Variants in BRD1 observed in about 807,000 individuals in gnomAD.
BRD1 encodes bromodomain containing 1, also known as bromodomain-containing protein 1.
BRD1 carries 24 observed loss-of-function variants against 107.7 expected under a neutral mutation model. The observed-to-expected ratio is 0.22, with a 90% CI of 0.16 to 0.31. The LOEUF is 0.31. BRD1 is among the 10% of genes least tolerant of loss of function. The probability of loss-of-function intolerance (pLI) is 1.00; values close to 1 mark genes in which losing one functional copy is unlikely to be tolerated. For synonymous variants in BRD1, 744 were observed against 686.1 expected (o/e 1.08, Z -1.32); for missense variants, 1,279 against 1,638.6 (o/e 0.78, Z 3.79).
chr22:49,812,515 G>C (rs945200284), intron 2 of BRD1, among the ~76,000 whole-genome samples: 1 of 152,126 alleles, frequency 6.6e-6, no homozygotes, highest in African/African-American at 2.4e-5. Flanking sequence ...AGGCTGCAGT[G>C]AACTGAGATC....
At chr22:49,818,871 G>A (rs1421339142) in intron 2 of BRD1, among the ~76,000 whole-genome samples, 1 of 151,886 alleles carries the variant, frequency 6.6e-6, no homozygotes, top group Non-Finnish European at 1.5e-5. Context: ...AGGTGACAGA[G>A]CAAGACTCCG....
chr22:49,809,548 A>AATATAT (rs113075185), intron 2 of BRD1, among the ~76,000 whole-genome samples: 4 of 147,794 alleles, frequency 2.7e-5, no homozygotes, highest in East Asian at 1.9e-4. Context: ...CTCCAAAAAA[A>AATATAT]ATATATATAT....
At chr22:49,794,375 C>G in intron 6 of BRD1, 81 bp from the exon 7 acceptor site, 1 of 1,521,934 alleles carries the variant, frequency 6.6e-7, no homozygotes, top group Admixed American at 1.9e-5. Context: ...TCTTTCAAAT[C>G]ACCTTCGGCC....
chr22:49,796,178 C>T (rs2147124272), intron 6 of BRD1, among the ~76,000 whole-genome samples: 1 of 151,918 alleles, frequency 6.6e-6, no homozygotes, highest in East Asian at 1.9e-4. Context: ...GAGAGCACCG[C>T]CTCCCGGATT....
At position 49,827,838 on chromosome 22, in the gene BRD1, G is replaced by C. The variant is rs865807992; in HGVS notation, c.-356C>G. The stretch of plus-strand genomic sequence containing the variant: ...GGGGCTGGCTCGGACTCCAGGGCCG[G>C]GTCGCTCGCTCGCTCCCCAGCGAAG... On this transcript the variant is annotated 5_prime_UTR_variant, in exon 1 of 13. Coordinates refer to ENST00000404760, the MANE Select transcript of BRD1 (RefSeq NM_001304808.3). Among the ~76,000 whole-genome samples, 6 of 145,696 alleles carry C rather than the reference G, an allele frequency of 4.1e-5. No individual in the cohort carries two copies. Among genetic ancestry groups the C allele is most frequent in the South Asian group, 2.1e-4 (1 of 4,798 alleles).
At chr22:49,782,266 C>T (rs543830938) in intron 8 of BRD1, among the ~76,000 whole-genome samples, 3 of 150,580 alleles carry the variant, frequency 2.0e-5, no homozygotes, top group African/African-American at 7.3e-5. Flanking sequence ...GAGACAGAAC[C>T]AAGGCCCAGG....
chr22:49,784,293 C>G (rs1413706902), intron 8 of BRD1, among the ~76,000 whole-genome samples: 1 of 150,052 alleles, frequency 6.7e-6, no homozygotes, highest in South Asian at 2.1e-4. Flanking sequence ...GTCTCCGCAA[C>G]GGCGGCGAGT....
chr22:49,798,029 T>A lies in BRD1; in HGVS notation c.1874A>T (p.His625Leu). Residue 625 changes from histidine (H) to leucine (L), a missense_variant, in exon 6 of 13, where the codon CAT (histidine) becomes CTT (leucine). His to Leu is a moderately conservative substitution (Grantham distance 99). Transcript: ENST00000404760. ...RLEAQGYKNL[H>L]EFEEDFDLII... ...GAGATCAAAATCCTCCTCAAACTCA[T>A]GGAGGTTTTTATACCCTTGAGCTTC... is the stretch of plus-strand genomic sequence containing the variant. 6.2e-7 allele frequency: 1 copy of A among 1,614,184 alleles called. No homozygotes were observed. Among genetic ancestry groups the A allele is most frequent in the South Asian group, 1.1e-5 (1 of 91,088 alleles).
chr22:49,801,377 C>T (rs1179122737), intron 3 of BRD1, among the ~76,000 whole-genome samples: 1 of 152,174 alleles, frequency 6.6e-6, no homozygotes, highest in African/African-American at 2.4e-5. Context: ...CAAGAGACCC[C>T]GTCCAGTTCA....
intron 7 of BRD1, 81 bp downstream of exon 7, chr22:49,793,953 G>A (rs1038189240): frequency 1.2e-5 from 19 of 1,522,682 alleles, no homozygotes; most frequent in Middle Eastern, 2.3e-4. Context: ...GCTGCTGCCC[G>A]TGTCTGGGTC....
chr22:49,824,097 T>C lies in BRD1; in HGVS notation c.221A>G (p.Asn74Ser). 1.2e-6 allele frequency: 2 copies of C among 1,614,036 alleles called. No homozygotes were observed. Among genetic ancestry groups the C allele is most frequent in the Non-Finnish European group, 1.7e-6 (2 of 1,180,032 alleles). Residue 74 changes from asparagine to serine, a missense_variant, in exon 2 of 13, where the codon AAC becomes AGC. Transcript: ENST00000404760. This position sits in a 1 kb window ranked among gnomAD's most constrained non-coding sequence, Gnocchi z 5.9. Reference protein sequence around the residue: ...DLTAQEMSECNSNKENSERPP... With the variant: ...DLTAQEMSECSSNKENSERPP... The stretch of plus-strand genomic sequence containing the variant: ...CCGCTCGCTGTTTTCCTTGTTGCTG[T>C]TGCACTCACTCATCTCTTGAGCAGT...
At chr22:49,799,287 G>A (rs894767685) in intron 3 of BRD1, among the ~76,000 whole-genome samples, 168 bp from the exon 4 acceptor site, 6 of 151,894 alleles carry the variant, frequency 4.0e-5, no homozygotes, top group Admixed American at 2.0e-4. Context: ...GGACAGCACC[G>A]GGACAGAGGG....
intron 7 of BRD1, among the ~76,000 whole-genome samples, chr22:49,790,208 G>A (rs539295257): frequency 9.8e-5 from 15 of 152,300 alleles, no homozygotes; most frequent in Non-Finnish European, 1.6e-4. Flanking sequence ...CCCCCGGACC[G>A]TTCAGTGCCT....
chr22:49,808,442 T>C lies in BRD1; in HGVS notation c.1368-4082A>G, dbSNP rs149959784. On this transcript the variant is annotated intron_variant, in intron 2 of 12. Transcript: ENST00000404760. ...ACACAAAAAGACAAATACTGCCTGATTGCGCTTATGTGAGGGACTGAAGAG... is the reference window on the plus strand; with the variant it reads ...ACACAAAAAGACAAATACTGCCTGACTGCGCTTATGTGAGGGACTGAAGAG... 2.9e-4 allele frequency among the ~76,000 whole-genome samples: 44 copies of C among 152,256 alleles called. No individual in the cohort carries two copies. The East Asian group carries it at 7.3e-3, about 25-fold the overall frequency.
rs764535212 is a variant in BRD1, at chr22:49,777,153, G to C, written c.3002C>G (p.Ala1001Gly). 6.2e-7 allele frequency: 1 copy of C among 1,612,830 alleles called. No individual in the cohort carries two copies. ...NSPLCDSSFN[A>G]PKCGRGKPAL... The stretch of plus-strand genomic sequence containing the variant: ...CGGTTTGCCCCGCCCACATTTGGGC[G>C]CATTAAAGCTTCGGGAGGAAGAGCA... Residue 1001 changes from alanine to glycine, a missense_variant, in exon 10 of 13, where the codon GCG (alanine) becomes GGG (glycine). Physicochemically the swap from Ala to Gly is moderately conservative, Grantham distance 60. Coordinates refer to ENST00000404760, the MANE Select transcript of BRD1 (RefSeq NM_001304808.3).
intron 2 of BRD1, among the ~76,000 whole-genome samples, chr22:49,814,541 C>T (rs537046307): frequency 3.3e-5 from 5 of 152,246 alleles, no homozygotes; most frequent in Non-Finnish European, 5.9e-5. Context: ...TCCTCTCCGA[C>T]GGGGCAGGGT....
Position 49,803,688 on chromosome 22 carries a change from C to T in BRD1, c.1524+516G>A, listed in dbSNP as rs970600387. On this transcript the variant is annotated intron_variant, in intron 3 of 12. Coordinates refer to ENST00000404760, the MANE Select transcript of BRD1 (RefSeq NM_001304808.3). The surrounding 1 kb of genome is among the most constrained non-coding windows in gnomAD (Gnocchi z 4.4). ...CTCCCACTCTCTCAGCTCTCTCGAG[C>T]CCTCCCCACCCCACCACAGTCCCAG... Among the ~76,000 whole-genome samples the T allele has an allele frequency of 5.9e-5, 9 of 152,234 alleles. No homozygotes were observed. Among genetic ancestry groups the T allele is most frequent in the Non-Finnish European group, 8.8e-5 (6 of 68,004 alleles).
intron 2 of BRD1, chr22:49,817,280 G>A (rs2059971260): frequency 1.1e-5 from 2 of 183,670 alleles, no homozygotes; most frequent in South Asian, 2.7e-4. Context: ...CAAAAGGATG[G>A]CACTGGGGGT....
At chr22:49,814,167 C>G (rs1402262278) in intron 2 of BRD1, among the ~76,000 whole-genome samples, 1 of 152,162 alleles carries the variant, frequency 6.6e-6, no homozygotes, top group Non-Finnish European at 1.5e-5. Context: ...AGGGGGCTCT[C>G]TCCAAAGATT....
Sources: gnomAD v4.1 joint callset for allele counts (sites outside exome capture counted in the v4.1 genomes callset) on GRCh38, gnomAD v4.1.1 for gene constraint, Gnocchi (gnomAD v3.1) non-coding constraint, MANE v1.5 for transcripts, NCBI Gene and HGNC (gene_info 2026-07-23, HGNC 2026-07-21) for gene names.